Variants in ADAM22 observed in about 807,000 individuals in gnomAD.
ADAM22 encodes disintegrin and metalloproteinase domain-containing protein 22.
A neutral mutation model predicts 144.6 loss-of-function variants in ADAM22; 65 were observed. That is an observed-to-expected ratio of 0.45 (90% confidence interval 0.37 to 0.55). The LOEUF is 0.55. ADAM22 is among the 20% of genes least tolerant of loss of function. ADAM22 has a pLI of 0.00. For missense variants in ADAM22, 974 were observed against 1,184.9 expected, an observed-to-expected ratio of 0.82 and a Z score of 2.61; for synonymous variants, 391 against 412.6, an observed-to-expected ratio of 0.95 and a Z score of 0.63.
intron 7 of ADAM22, among the ~76,000 whole-genome samples, chr7:88,121,804 A>G (rs573035103): frequency 3.9e-5 from 6 of 152,196 alleles, no homozygotes; most frequent in Non-Finnish European, 8.8e-5. Context: ...CTTTTGCTGT[A>G]TAGTATTTAT....
intron 2 of ADAM22, among the ~76,000 whole-genome samples, chr7:87,940,134 A>G (rs1842170297): frequency 6.9e-6 from 1 of 145,094 alleles, no homozygotes; most frequent in African/African-American, 2.5e-5. Flanking sequence ...GTGAGCAGAG[A>G]TGGTGCCACT....
intron 8 of ADAM22, among the ~76,000 whole-genome samples, chr7:88,126,734 T>C (rs758782820): frequency 7.2e-5 from 11 of 151,970 alleles, no homozygotes; most frequent in Middle Eastern, 3.2e-3. Flanking sequence ...AAATTAGAAA[T>C]CTGAAATGCT....
intron 5 of ADAM22, among the ~76,000 whole-genome samples, chr7:88,108,624 G>A (rs188719587): frequency 2.0e-5 from 3 of 152,126 alleles, no homozygotes; most frequent in Admixed American, 1.3e-4. Flanking sequence ...AGCTACTCGG[G>A]AGGCTGAGGC....
At chr7:87,964,321 C>G (rs1283360048) in intron 2 of ADAM22, among the ~76,000 whole-genome samples, 5 of 152,212 alleles carry the variant, frequency 3.3e-5, no homozygotes, top group African/African-American at 4.8e-5. Context: ...TGCAGTTTTT[C>G]TATGTCTCCT....
At chr7:88,025,144 T>C (rs1296664908) in intron 3 of ADAM22, among the ~76,000 whole-genome samples, 3 of 152,208 alleles carry the variant, frequency 2.0e-5, no homozygotes, top group Non-Finnish European at 2.9e-5. Flanking sequence ...TCCACAATGG[T>C]TGAACTAGTT....
rs577268197 is a variant in ADAM22 at position 88,131,359 on chromosome 7, T to C, written c.916T>C (p.Leu306=). The C allele has an allele frequency of 7.4e-6, 12 of 1,613,748 alleles. No homozygotes were observed. The highest frequency in any genetic ancestry group is 5.3e-5 in the African/African-American group (4 of 74,900). The change falls in exon 11 of 32, where the codon TTG becomes CTG. Residue 306 remains leucine (L), a synonymous_variant. Coordinates refer to ENST00000413139, the MANE Select transcript of ADAM22 (RefSeq NM_001324418.2). ...DNKFAISENP[L]ITLREFMKYR... is the part of the protein sequence containing the mutation. ...CAAGTTTGCCATATCTGAAAATCCA[T>C]TGATCACCCTACGTGAGTTTATGAA...
At chr7:88,032,031 T>A (rs1323155306) in intron 3 of ADAM22, among the ~76,000 whole-genome samples, 3 of 152,248 alleles carry the variant, frequency 2.0e-5, no homozygotes, top group Non-Finnish European at 4.4e-5. Context: ...GGCAGAAGTC[T>A]ACTGCAGGGA....
intron 2 of ADAM22, among the ~76,000 whole-genome samples, chr7:87,968,257 T>C (rs914941964): frequency 2.6e-5 from 4 of 152,214 alleles, no homozygotes; most frequent in African/African-American, 9.6e-5. Context: ...TTTCAACTGT[T>C]GGCTATACCT....
intron 3 of ADAM22, among the ~76,000 whole-genome samples, chr7:88,015,798 G>A (rs993298329): frequency 3.3e-5 from 5 of 152,208 alleles, no homozygotes; most frequent in South Asian, 2.1e-4. Context: ...TTCATTTTGC[G>A]TAGTGAAATT....
At chr7:88,125,730 T>C in intron 8 of ADAM22, 71 bp downstream of exon 8, 2 of 1,274,258 alleles carry the variant, frequency 1.6e-6, no homozygotes, top group Non-Finnish European at 2.2e-6. Context: ...GAATCTACAG[T>C]AAGTCTGTGT....
At chr7:88,104,479 G>A (rs879294583) in intron 4 of ADAM22, among the ~76,000 whole-genome samples, 1 of 151,406 alleles carries the variant, frequency 6.6e-6, no homozygotes, top group Admixed American at 6.6e-5. Flanking sequence ...TAGAATTTTT[G>A]CACCACATGT....
At chr7:87,994,582 A>T (rs1270087943) in intron 3 of ADAM22, among the ~76,000 whole-genome samples, 1 of 151,862 alleles carries the variant, frequency 6.6e-6, no homozygotes, top group Non-Finnish European at 1.5e-5. Context: ...TGTGGGTCTA[A>T]TTCATATCTC....
intron 7 of ADAM22, among the ~76,000 whole-genome samples, chr7:88,121,030 A>T (rs1285240436): frequency 6.6e-6 from 1 of 152,044 alleles, no homozygotes; most frequent in Non-Finnish European, 1.5e-5. Flanking sequence ...GTTTCCTTTC[A>T]TCAATGAATT....
chr7:87,955,573 CA>C (rs1202743111), intron 2 of ADAM22, among the ~76,000 whole-genome samples: 1 of 152,198 alleles, frequency 6.6e-6, no homozygotes, highest in Non-Finnish European at 1.5e-5. Flanking sequence ...TTAGGCTGCT[CA>C]GGGGTCAGGA....
At chr7:88,122,577 AG>A (rs1302338744) in intron 7 of ADAM22, among the ~76,000 whole-genome samples, 2 of 152,278 alleles carry the variant, frequency 1.3e-5, no homozygotes, top group Admixed American at 6.5e-5. Flanking sequence ...ATCTGCTCAA[AG>A]TCTGGAATCT....
intron 9 of ADAM22, 81 bp downstream of exon 9, chr7:88,128,757 G>T (rs1311762090): frequency 7.0e-6 from 8 of 1,149,690 alleles, no homozygotes; most frequent in African/African-American, 1.6e-5. Flanking sequence ...GAAAAAACAA[G>T]AAGCCCATCA....
chr7:88,150,227 C>T (rs1000008544), intron 18 of ADAM22, among the ~76,000 whole-genome samples: 12 of 152,134 alleles, frequency 7.9e-5, no homozygotes, highest in African/African-American at 2.9e-4. Flanking sequence ...TTTACAAGTT[C>T]AATTTGCATT....
At chr7:88,192,933 A>C (rs1319608840) in intron 30 of ADAM22, among the ~76,000 whole-genome samples, 183 bp from the exon 31 acceptor site, 1 of 152,232 alleles carries the variant, frequency 6.6e-6, no homozygotes, top group African/African-American at 2.4e-5. Context: ...TCATGAAATT[A>C]GGAAGATAAA....
intron 4 of ADAM22, among the ~76,000 whole-genome samples, chr7:88,076,329 C>T (rs1045988800): frequency 2.9e-4 from 44 of 152,194 alleles, no homozygotes; most frequent in African/African-American, 7.0e-4. Context: ...TGAGCCAACG[C>T]GCCTGGGAAA....
Sources: allele counts gnomAD v4.1 joint callset (sites outside exome capture counted in the v4.1 genomes callset), GRCh38; gene constraint gnomAD v4.1.1; transcripts MANE v1.5; gene names NCBI Gene and HGNC (gene_info 2026-07-23, HGNC 2026-07-21).